The following ZER1 variants were observed in gnomAD, a reference collection of about 807,000 sequenced individuals.
The protein encoded by ZER1 is protein zer-1 homolog.
Under a neutral mutation model 78.8 loss-of-function variants are expected in ZER1, and 11 were observed. That is an observed-to-expected ratio of 0.14 (90% CI 0.09 to 0.23). The LOEUF (loss-of-function observed/expected upper bound fraction) is 0.23. Ranked by LOEUF, ZER1 falls within the 10% of genes least tolerant of loss-of-function variation. The pLI, the probability that ZER1 is intolerant of heterozygous loss-of-function variation, is 1.00. For missense variants in ZER1, 588 were observed against 996.9 expected (o/e 0.59, Z 5.52); for synonymous variants, 400 against 407.0 (o/e 0.98, Z 0.21).
In ZER1 at chr9:128,753,678, G is replaced by A. The variant is rs1863762231; in HGVS notation, c.310-78C>T. 2 of 1,571,278 alleles carry A rather than the reference G, an allele frequency of 1.3e-6. No individual in the cohort carries two copies. Among genetic ancestry groups the A allele is most frequent in the Non-Finnish European group, 1.7e-6 (2 of 1,159,128 alleles). ...CCCCAGGCCTTGCCCTGGGCTACAG[G>A]TGGGTTGGAAAGGGGGATGTGCACA... is the stretch of plus-strand genomic sequence containing the variant. On this transcript the variant is annotated intron_variant, in intron 3 of 15. Transcript: ENST00000291900. This position sits in a 1 kb window ranked among gnomAD's most constrained non-coding sequence, Gnocchi z 7.5.
Position 128,752,865 on chromosome 9 carries a change from G to C in ZER1, c.747-16C>G, listed in dbSNP as rs758952147. ...GTCCAGGTGTCTGAAGATTGGGGTAGGGGGTGCAGGTTAGGAGCTGGGTAC... is the reference window on the plus strand; with the variant it reads ...GTCCAGGTGTCTGAAGATTGGGGTACGGGGTGCAGGTTAGGAGCTGGGTAC... On this transcript the variant is annotated splice_polypyrimidine_tract_variant and intron_variant, in intron 4 of 15. Transcript: ENST00000291900. 1.1e-5 allele frequency: 18 copies of C among 1,610,184 alleles called. No individual in the cohort carries two copies. In the South Asian group the frequency reaches 1.7e-4, roughly 15 times the overall value.
At position 128,740,767 on chromosome 9, in the gene ZER1, C is replaced by G. The variant is rs1386838241; in HGVS notation, c.1853+5G>C. ...GCAAAAAGGGAAAGGATTAAAAATA[C>G]CAACCTGAAGACGCTGATGAACTGG... On this transcript the variant is annotated splice_donor_5th_base_variant and intron_variant, in intron 12 of 15. Transcript: ENST00000291900. This position sits in a 1 kb window ranked among gnomAD's most constrained non-coding sequence, Gnocchi z 4.4. 1.3e-6 allele frequency: 1 copy of G among 780,562 alleles called. No homozygotes were observed. The highest frequency in any genetic ancestry group is 1.3e-5 in the South Asian group (1 of 74,596). 48.4% of individuals were successfully genotyped at this position (780,562 alleles called of 1,614,324 possible).
rs994518260 is a variant in ZER1 at position 128,755,580 on chromosome 9, G to C, written c.-15C>G. On this transcript the variant is annotated 5_prime_UTR_variant, in exon 2 of 16. Coordinates refer to ENST00000291900, the MANE Select transcript of ZER1 (RefSeq NM_006336.4). This position sits in a 1 kb window ranked among gnomAD's most constrained non-coding sequence, Gnocchi z 5.6. ...TCGGACGCCATGCTGGGGGCAAGCA[G>C]GTGGGCCACTCCAGGACAAGGATCC... The C allele has an allele frequency of 6.2e-7, 1 of 1,607,176 alleles. No individual in the cohort carries two copies. Among genetic ancestry groups the C allele is most frequent in the Non-Finnish European group, 8.5e-7 (1 of 1,174,322 alleles).
At chr9:128,768,411 C>T (rs553142037) in intron 1 of ZER1, among the ~76,000 whole-genome samples, 3 of 152,174 alleles carry the variant, frequency 2.0e-5, no homozygotes, top group African/African-American at 7.2e-5. Context: ...TTCATCCTCC[C>T]AACAGCCTTT....
chr9:128,764,811 C>G (rs1181928211), intron 1 of ZER1, among the ~76,000 whole-genome samples: 2 of 152,160 alleles, frequency 1.3e-5, no homozygotes, highest in African/African-American at 2.4e-5. Flanking sequence ...ACAGAGGGAG[C>G]TCTGGTTATG....
chr9:128,741,740 A>C, intron 10 of ZER1, 60 bp downstream of exon 10: 3 of 1,614,062 alleles, frequency 1.9e-6, no homozygotes, highest in Non-Finnish European at 2.5e-6. Context: ...CCCCAGGGGC[A>C]GCCCAGGCCC....
In ZER1 at chr9:128,730,705, C is replaced by G. The variant is rs1862785853; in HGVS notation, c.*632G>C. On this transcript the variant is annotated 3_prime_UTR_variant, in exon 16 of 16. Coordinates refer to ENST00000291900, the MANE Select transcript of ZER1 (RefSeq NM_006336.4). ...AGCAGGGCCACTGGGTGCCCTGCTC[C>G]TAGAGGGTCTTCAGGGGCAGGGCTG... The G allele has an allele frequency of 6.5e-6, 1 of 152,674 alleles. No individual in the cohort carries two copies. Among genetic ancestry groups the G allele is most frequent in the African/African-American group, 2.4e-5 (1 of 41,458 alleles). 9.5% of individuals were successfully genotyped at this position (152,674 alleles called of 1,614,324 possible).
rs199589694 is a variant in ZER1, at chr9:128,733,412, T to C, written c.2243+14A>G. Reference sequence around the variant, plus strand: ...ACCAAGGTTCCAGGCAGAAACACACTGCTGGTCTCTTACCGGGCCATTTCC... The same window carrying C: ...ACCAAGGTTCCAGGCAGAAACACACCGCTGGTCTCTTACCGGGCCATTTCC... On this transcript the variant is annotated intron_variant, in intron 15 of 15. Transcript: ENST00000291900. The C allele has an allele frequency of 1.2e-6, 2 of 1,612,850 alleles. No homozygotes were observed. The highest frequency in any genetic ancestry group is 1.7e-5 in the Admixed American group (1 of 59,934).
chr9:128,742,870 G>A, intron 8 of ZER1, 125 bp from the exon 9 acceptor site: 1 of 936,718 alleles, frequency 1.1e-6, no homozygotes, highest in Non-Finnish European at 1.6e-6. Context: ...TTCTGGAAGA[G>A]GAGGCTATAC....
At chr9:128,745,199 GT>G (rs570009551) in intron 8 of ZER1, among the ~76,000 whole-genome samples, 6,024 of 128,446 alleles carry the variant, frequency 0.047, 104 homozygotes, top group African/African-American at 0.076. Flanking sequence ...ATTTGTTTGG[GT>G]TTTTTTTTTT....
At chr9:128,757,216 C>A (rs1471731910) in intron 1 of ZER1, among the ~76,000 whole-genome samples, 1 of 152,064 alleles carries the variant, frequency 6.6e-6, no homozygotes, top group Non-Finnish European at 1.5e-5. Flanking sequence ...AAACTCTGTT[C>A]ATCAAAAGTT....
Position 128,750,673 on chromosome 9 carries a change from C to T in ZER1, c.1302G>A (p.Leu434=). The change falls in exon 8 of 16, where the codon CTG becomes CTA. Residue 434 remains leucine (L), a synonymous_variant. Transcript: ENST00000291900. ...SEYRSEQSVK[L]RRQVIQVVLN... ...GCACCACCTGGATAACCTGCCGGCG[C>T]AGCTTCACACTCTGCTCTGAGCGGT... is the stretch of plus-strand genomic sequence containing the variant. 6.2e-7 allele frequency: 1 copy of T among 1,614,226 alleles called. No individual in the cohort carries two copies. Among genetic ancestry groups the T allele is most frequent in the Non-Finnish European group, 8.5e-7 (1 of 1,180,034 alleles).
chr9:128,738,848 ATT>A lies in ZER1; in HGVS notation c.2042+1081_2042+1082del, dbSNP rs71381801. On this transcript the variant is annotated intron_variant, in intron 13 of 15. Transcript: ENST00000291900. ...AGGTGTGCACCATCACACCCAGCTC[ATT>A]TTTTTTTTTTTTTTTTTTTGAGATG... Among the ~76,000 whole-genome samples the A allele has an allele frequency of 4.5e-3, 262 of 58,522 alleles. 1 individual carries two copies. The highest frequency in any genetic ancestry group is 0.023 in the East Asian group (51 of 2,242). 38.4% of individuals were successfully genotyped at this position (58,522 alleles called of 152,430 possible).
chr9:128,751,164 G>A lies in ZER1; in HGVS notation c.1143C>T (p.Ile381=), dbSNP rs1414193754. The stretch of plus-strand genomic sequence containing the variant: ...GCTGGTTGCAACGCTCGATGCGGGC[G>A]ATGTCAAAAAGCAAGTTGATGGCCC... ...TSRAINLLFD[I]ARIERCNQLL... is the part of the protein sequence containing the mutation. The change falls in exon 7 of 16, where the codon ATC becomes ATT. Residue 381 remains isoleucine, a synonymous_variant. Transcript: ENST00000291900. This position sits in a 1 kb window ranked among gnomAD's most constrained non-coding sequence, Gnocchi z 5.4. The A allele has an allele frequency of 1.9e-5, 30 of 1,605,686 alleles. No homozygotes were observed. Among genetic ancestry groups the A allele is most frequent in the East Asian group, 6.7e-5 (3 of 44,538 alleles).
In ZER1 at chr9:128,751,283, C is replaced by T. The variant is rs767573221; in HGVS notation, c.1039-15G>A. Reference sequence around the variant, plus strand: ...TCACCACTTACCTGCGGGTGGGACACGCTCAGAACAACCCAGCAGAGGCCA... The same window carrying T: ...TCACCACTTACCTGCGGGTGGGACATGCTCAGAACAACCCAGCAGAGGCCA... On this transcript the variant is annotated splice_polypyrimidine_tract_variant and intron_variant, in intron 6 of 15. Transcript: ENST00000291900. The surrounding 1 kb of genome is among the most constrained non-coding windows in gnomAD (Gnocchi z 5.4). 2.8e-5 allele frequency: 45 copies of T among 1,597,384 alleles called. No individual in the cohort carries two copies. The highest frequency in any genetic ancestry group is 1.7e-4 in the Admixed American group (10 of 59,370).
intron 14 of ZER1, among the ~76,000 whole-genome samples, chr9:128,734,140 A>ATATATATATATATATATATATATATAT (rs1428641240): frequency 1.2e-4 from 2 of 17,330 alleles, no homozygotes; most frequent in Non-Finnish European, 1.5e-4. Context: ...AAAAAAAAAA[A>ATATATATATATATATATATATATATAT]AAAAATATAT....
chr9:128,750,944 C>A (rs555742754), intron 7 of ZER1, among the ~76,000 whole-genome samples, 155 bp from the exon 8 acceptor site: 11 of 152,250 alleles, frequency 7.2e-5, no homozygotes, highest in African/African-American at 2.6e-4. Context: ...GGGTGGGGAC[C>A]AAACAAGGCC....
intron 13 of ZER1, among the ~76,000 whole-genome samples, chr9:128,738,943 C>T (rs1406684586): frequency 6.7e-6 from 1 of 149,428 alleles, no homozygotes; most frequent in Non-Finnish European, 1.5e-5. Flanking sequence ...CCTCTGCCTC[C>T]TGGGTTCAAG....
chr9:128,759,904 G>A (rs1222116870), intron 1 of ZER1, among the ~76,000 whole-genome samples: 1 of 152,166 alleles, frequency 6.6e-6, no homozygotes, highest in Admixed American at 6.5e-5. Context: ...TTCTGAGACA[G>A]AGTCTCATAC....
Sources: allele counts gnomAD v4.1 joint callset (sites outside exome capture counted in the v4.1 genomes callset), GRCh38; gene constraint gnomAD v4.1.1; non-coding constraint Gnocchi (gnomAD v3.1); transcripts MANE v1.5; gene names NCBI Gene and HGNC (gene_info 2026-07-23, HGNC 2026-07-21).